The following BCAR3 variants were observed in gnomAD, a reference collection of about 807,000 sequenced individuals.
The protein encoded by BCAR3 is BCAR3 adaptor protein, NSP family member, also known as breast cancer anti-estrogen resistance protein 3.
BCAR3 carries 37 observed loss-of-function variants against 80.1 expected under a neutral mutation model. The observed-to-expected ratio is 0.46, with a 90% CI of 0.36 to 0.61. BCAR3 has a LOEUF of 0.61. Among genes scored for constraint, BCAR3 ranks in the 20% least tolerant of loss-of-function variants. The pLI is 0.00. For missense variants in BCAR3, 978 were observed against 1,068.2 expected (o/e 0.92, Z 1.18); for synonymous variants, 389 against 418.9 (o/e 0.93, Z 0.87).
chr1:93,624,782 C>T (rs2101893438), intron 3 of BCAR3, among the ~76,000 whole-genome samples: 1 of 152,376 alleles, frequency 6.6e-6, no homozygotes, highest in African/African-American at 2.4e-5. Flanking sequence ...GGGCCCTTCC[C>T]TGTCTCTCCA....
intron 2 of BCAR3, among the ~76,000 whole-genome samples, chr1:93,749,595 A>G (rs12130404): frequency 3.5e-5 from 5 of 141,140 alleles, no homozygotes; most frequent in South Asian, 4.3e-4. Context: ...TCAAAAAAAA[A>G]AAAAAAAAAG....
At chr1:93,741,622 G>A (rs1459704242) in intron 2 of BCAR3, among the ~76,000 whole-genome samples, 3 of 152,108 alleles carry the variant, frequency 2.0e-5, no homozygotes, top group South Asian at 2.1e-4. Context: ...CCAGGCTGGA[G>A]TGCAATGGCG....
intron 2 of BCAR3, among the ~76,000 whole-genome samples, chr1:93,761,719 A>G (rs986220782): frequency 1.3e-5 from 2 of 152,136 alleles, no homozygotes; most frequent in African/African-American, 2.4e-5. Context: ...TTTCACTTTC[A>G]TGGGTAATCT....
chr1:93,730,975 A>C (rs1357097067), intron 2 of BCAR3, among the ~76,000 whole-genome samples: 1 of 152,230 alleles, frequency 6.6e-6, no homozygotes, highest in African/African-American at 2.4e-5. Context: ...CCCTTGGTAC[A>C]TTGTGATGAG....
In BCAR3 at chr1:93,722,197, G is replaced by A. The variant is rs147250584; in HGVS notation, c.-62-16055C>T. 1.9e-3 allele frequency among the ~76,000 whole-genome samples: 287 copies of A among 152,232 alleles called. 4 individuals carry two copies. In the East Asian group the frequency reaches 0.043, roughly 23 times the overall value. ...TGGGGGTGACCTGGCTCCCGGTACC[G>A]GATCCCATGCACTCATAAGCCTCTC... is the stretch of plus-strand genomic sequence containing the variant. On this transcript the variant is annotated intron_variant, in intron 2 of 13. Transcript: ENST00000370244.
chr1:93,830,714 G>A (rs1429427531), intron 2 of BCAR3, among the ~76,000 whole-genome samples: 1 of 152,172 alleles, frequency 6.6e-6, no homozygotes, highest in Non-Finnish European at 1.5e-5. Context: ...CACAAAGCCT[G>A]TTTGGTGGTC....
intron 2 of BCAR3, among the ~76,000 whole-genome samples, chr1:93,718,774 C>T (rs973993180): frequency 6.8e-6 from 1 of 146,200 alleles, no homozygotes. Context: ...CGGCTCACTG[C>T]AGCCTCAACC....
chr1:93,602,342 G>A (rs1674650138), intron 3 of BCAR3: 1 of 152,218 alleles, frequency 6.6e-6, no homozygotes, highest in Non-Finnish European at 1.5e-5. Context: ...TGTACCAGGT[G>A]GCCCAAGCTG....
In BCAR3 at chr1:93,707,747, A is replaced by G. The variant is rs540296535; in HGVS notation, c.-62-1605T>C. ...AATAATAATAGCTCTGACGGTCCCC[A>G]AGCCTGGATCATTCAGGATGTTTTC... On this transcript the variant is annotated intron_variant, in intron 2 of 13. Coordinates refer to the BCAR3 transcript ENST00000370244. Among the ~76,000 whole-genome samples, 35 of 152,320 alleles carry G rather than the reference A, an allele frequency of 2.3e-4. 4 individuals carry two copies. The highest frequency in any genetic ancestry group is 1.2e-3 in the Admixed American group (18 of 15,296).
At chr1:93,771,822 C>T (rs956350398) in intron 2 of BCAR3, among the ~76,000 whole-genome samples, 56 of 152,186 alleles carry the variant, frequency 3.7e-4, no homozygotes, top group African/African-American at 1.3e-3. Flanking sequence ...GCTATCCCTT[C>T]TCCACAATAC....
intron 2 of BCAR3, among the ~76,000 whole-genome samples, chr1:93,798,238 A>G (rs58491053): frequency 0.034 from 5,230 of 152,280 alleles, 333 homozygotes; most frequent in African/African-American, 0.12. Context: ...GGGGAAAAGC[A>G]TTCTCCCTTA....
At chr1:93,562,456 C>A in intron 11 of BCAR3, 37 bp from the exon 12 acceptor site, 1 of 1,598,340 alleles carries the variant, frequency 6.3e-7, no homozygotes, top group Non-Finnish European at 8.5e-7. Flanking sequence ...TACTTCAGTT[C>A]TGCCTAAGAT....
chr1:93,611,521 C>G (rs1049979388), intron 3 of BCAR3, among the ~76,000 whole-genome samples: 4 of 152,152 alleles, frequency 2.6e-5, no homozygotes, highest in African/African-American at 9.7e-5. Flanking sequence ...TACTGTGAAC[C>G]CCTTCGGGAT....
intron 2 of BCAR3, among the ~76,000 whole-genome samples, chr1:93,712,350 A>G (rs1650051664): frequency 6.6e-6 from 1 of 152,224 alleles, no homozygotes; most frequent in Non-Finnish European, 1.5e-5. Flanking sequence ...CATGAGTGGT[A>G]CAATTCCTGC....
At chr1:93,656,012 G>A (rs1647363490) in intron 2 of BCAR3, among the ~76,000 whole-genome samples, 1 of 152,156 alleles carries the variant, frequency 6.6e-6, no homozygotes, top group Admixed American at 6.5e-5. Context: ...CATTTGTCTA[G>A]GAGTCTCTGT....
intron 2 of BCAR3, among the ~76,000 whole-genome samples, chr1:93,742,446 CAA>C (rs1015979226): frequency 8.5e-5 from 13 of 152,150 alleles, no homozygotes; most frequent in South Asian, 2.1e-4. Flanking sequence ...GATAATCTCC[CAA>C]ATCTCAGTTA....
At chr1:93,636,818 C>T (rs1225906767) in intron 3 of BCAR3, among the ~76,000 whole-genome samples, 1 of 151,996 alleles carries the variant, frequency 6.6e-6, no homozygotes, top group Non-Finnish European at 1.5e-5. Context: ...TAGTCTTGGC[C>T]CAGCATGGTG....
intron 2 of BCAR3, among the ~76,000 whole-genome samples, chr1:93,798,551 A>C (rs1298665369): frequency 4.6e-5 from 7 of 152,154 alleles, no homozygotes; most frequent in Admixed American, 3.3e-4. Flanking sequence ...TAACATTCCA[A>C]AGACATGAGC....
At position 93,567,330 on chromosome 1, in the gene BCAR3, T is replaced by C; in HGVS notation, c.2248A>G (p.Met750Val). Residue 750 changes from methionine (M) to valine (V), a missense_variant, in exon 11 of 12, where the codon ATG becomes GTG. Transcript: ENST00000260502. ...CGGTAGCTGTCTGCAGCCTCGGCCA[T>C]GAATCGCGCTGTTGCCAAATGGTTC... ...MLNHLATARF[M>V]AEAADSYRMN... The C allele has an allele frequency of 6.2e-7, 1 of 1,614,194 alleles. No individual in the cohort carries two copies. Among genetic ancestry groups the C allele is most frequent in the Non-Finnish European group, 8.5e-7 (1 of 1,180,040 alleles).
Sources: allele counts gnomAD v4.1 joint callset (sites outside exome capture counted in the v4.1 genomes callset), GRCh38; gene constraint gnomAD v4.1.1; transcripts MANE v1.5; gene names NCBI Gene and HGNC (gene_info 2026-07-23, HGNC 2026-07-21).